DRC8: variants seen among roughly 807,000 people sequenced by gnomAD.
DRC8 encodes dynein regulatory complex protein 8.
chr1:245,076,603 G>A, the DRC8 span, among the ~76,000 whole-genome samples: 1 of 152,120 alleles, frequency 6.6e-6, no homozygotes. Flanking sequence ...TTTCAAACAT[G>A]TCTGATATAA....
the DRC8 span, among the ~76,000 whole-genome samples, chr1:245,077,121 T>A: frequency 6.6e-6 from 1 of 152,122 alleles, no homozygotes; most frequent in African/African-American, 2.4e-5. Flanking sequence ...ATATGTCATA[T>A]ACACTTAGAA....
At chr1:245,063,668 A>G in the DRC8 span, among the ~76,000 whole-genome samples, 4 of 152,210 alleles carry the variant, frequency 2.6e-5, no homozygotes, top group Admixed American at 2.0e-4. Flanking sequence ...GCTTGAGCTC[A>G]GGAATGAGGC....
At chr1:245,015,205 C>T in the DRC8 span, among the ~76,000 whole-genome samples, 1 of 152,216 alleles carries the variant, frequency 6.6e-6, no homozygotes, top group Non-Finnish European at 1.5e-5. Context: ...CAGCCTCGAC[C>T]TGCTGACCTC....
chr1:245,061,338 T>C, the DRC8 span, among the ~76,000 whole-genome samples: 3 of 152,320 alleles, frequency 2.0e-5, no homozygotes, highest in Middle Eastern at 3.4e-3. Flanking sequence ...TCCCCACTGG[T>C]TTGGGCAGTT....
the DRC8 span, chr1:245,059,493 C>T: frequency 7.0e-6 from 11 of 1,571,308 alleles, no homozygotes; most frequent in African/African-American, 1.5e-4. Flanking sequence ...TCAGCCAGCT[C>T]TCTGTGTGAG....
At chr1:244,974,780 G>A in the DRC8 span, among the ~76,000 whole-genome samples, 1 of 151,832 alleles carries the variant, frequency 6.6e-6, no homozygotes, top group Non-Finnish European at 1.5e-5. Flanking sequence ...CTACAGCCTC[G>A]ACCTCCTGGG....
the DRC8 span, chr1:245,017,125 A>G: frequency 2.2e-6 from 2 of 912,168 alleles, no homozygotes; most frequent in Middle Eastern, 3.5e-4. Context: ...ATACATAAAT[A>G]TAAGGAGAGG....
the DRC8 span, among the ~76,000 whole-genome samples, chr1:245,020,780 C>T: frequency 1.4e-4 from 21 of 151,342 alleles, no homozygotes; most frequent in East Asian, 1.2e-3. Context: ...CCACCACGCC[C>T]GGCTAATTTT....
the DRC8 span, among the ~76,000 whole-genome samples, chr1:245,005,873 A>G: frequency 6.6e-6 from 1 of 152,184 alleles, no homozygotes; most frequent in Non-Finnish European, 1.5e-5. Context: ...CGAATGGGAG[A>G]TAGCCAGGAA....
the DRC8 span, among the ~76,000 whole-genome samples, chr1:245,065,113 A>C: frequency 9.7e-6 from 1 of 103,036 alleles, no homozygotes; most frequent in African/African-American, 3.6e-5. Context: ...TTTAGTAGAG[A>C]CAGGGTTTTT....
At chr1:245,117,696 C>T in the DRC8 span, among the ~76,000 whole-genome samples, 1 of 152,100 alleles carries the variant, frequency 6.6e-6, no homozygotes, top group Admixed American at 6.6e-5. Context: ...AGGGCAGGCA[C>T]GGTGGCTCAT....
the DRC8 span, chr1:245,002,068 A>T: frequency 2.0e-5 from 29 of 1,429,944 alleles, no homozygotes; most frequent in Non-Finnish European, 2.7e-5. Context: ...AATCACTCAT[A>T]TGACAATTTT....
the DRC8 span, among the ~76,000 whole-genome samples, chr1:245,053,770 A>G: frequency 6.6e-6 from 1 of 152,236 alleles, no homozygotes; most frequent in African/African-American, 2.4e-5. Context: ...AGGTGAGACC[A>G]TAGCAGATTC....
At chr1:245,027,758 A>G in the DRC8 span, among the ~76,000 whole-genome samples, 2 of 152,052 alleles carry the variant, frequency 1.3e-5, no homozygotes, top group Non-Finnish European at 2.9e-5. Flanking sequence ...GTATTCACAC[A>G]TATTTTAGTA....
At chr1:245,076,778 G>C in the DRC8 span, among the ~76,000 whole-genome samples, 333 of 151,920 alleles carry the variant, frequency 2.2e-3, 1 homozygote, top group African/African-American at 7.3e-3. Flanking sequence ...TTGCTCTGGA[G>C]TGTAGTGGTG....
At chr1:245,117,170 A>G in the DRC8 span, among the ~76,000 whole-genome samples, 1 of 152,100 alleles carries the variant, frequency 6.6e-6, no homozygotes, top group Non-Finnish European at 1.5e-5. Context: ...CTCCTGCCTC[A>G]GCCTCCTGAG....
At chr1:245,089,015 G>GAA in the DRC8 span, among the ~76,000 whole-genome samples, 5 of 152,292 alleles carry the variant, frequency 3.3e-5, no homozygotes, top group East Asian at 9.7e-4. This position sits in a 1 kb window ranked among gnomAD's most constrained non-coding sequence, Gnocchi z 4.8. Context: ...GAAGATCACA[G>GAA]AGAAAGATCA....
the DRC8 span, among the ~76,000 whole-genome samples, chr1:245,042,313 C>T: frequency 6.6e-6 from 1 of 152,200 alleles, no homozygotes; most frequent in Non-Finnish European, 1.5e-5. Context: ...AACTCTAGCA[C>T]ATAGGACTAT....
the DRC8 span, chr1:244,970,221 A>G: frequency 1.3e-6 from 1 of 762,122 alleles, no homozygotes; most frequent in African/African-American, 1.7e-5. Context: ...CCCCAGCGCG[A>G]GGGTCGTGGC....
Sources: allele counts gnomAD v4.1 joint callset (sites outside exome capture counted in the v4.1 genomes callset), GRCh38; gene constraint gnomAD v4.1.1; non-coding constraint Gnocchi (gnomAD v3.1); transcripts MANE v1.5; gene names NCBI Gene and HGNC (gene_info 2026-07-23, HGNC 2026-07-21).